Variants in PDIA5 observed in about 807,000 individuals in gnomAD.
The protein encoded by PDIA5 is protein disulfide-isomerase A5.
PDIA5 carries 58 observed loss-of-function variants against 77.6 expected under a neutral mutation model. That is an observed-to-expected ratio of 0.75 (90% CI 0.61 to 0.93). The LOEUF (loss-of-function observed/expected upper bound fraction) is 0.93. Among genes scored for constraint, PDIA5 ranks in the 40% least tolerant of loss-of-function variants. The pLI, the probability that PDIA5 is intolerant of heterozygous loss-of-function variation, is 0.00. For synonymous variants in PDIA5, 250 were observed against 252.1 expected (o/e 0.99, Z 0.08); for missense variants, 630 against 647.7 (o/e 0.97, Z 0.30).
intron 11 of PDIA5, chr3:123,145,306 T>C (rs1166253401): frequency 1.8e-6 from 1 of 556,720 alleles, no homozygotes. Flanking sequence ...GTATTATTTA[T>C]GCAGTTGTTT....
chr3:123,125,563 C>T (rs191976270), intron 10 of PDIA5, among the ~76,000 whole-genome samples: 37 of 152,214 alleles, frequency 2.4e-4, no homozygotes, highest in African/African-American at 8.9e-4. Context: ...CTTAGGAACA[C>T]AGTGTGCAAA....
intron 15 of PDIA5, among the ~76,000 whole-genome samples, chr3:123,156,342 A>G (rs2107993899): frequency 6.6e-6 from 1 of 152,130 alleles, no homozygotes; most frequent in Middle Eastern, 3.4e-3. Flanking sequence ...GCTTTGAGGC[A>G]CCCCTCACCC....
intron 6 of PDIA5, among the ~76,000 whole-genome samples, chr3:123,109,768 A>G (rs1007694197): frequency 6.6e-6 from 1 of 152,152 alleles, no homozygotes; most frequent in Admixed American, 6.5e-5. Flanking sequence ...CAGGCTTTCA[A>G]GATAATGTGT....
In PDIA5 at chr3:123,142,658, G is replaced by A. The variant is rs117381180; in HGVS notation, c.911-2864G>A. Among the ~76,000 whole-genome samples, 90 of 152,344 alleles carry A rather than the reference G, an allele frequency of 5.9e-4. No individual in the cohort carries two copies. The East Asian group carries it at 0.014, about 23-fold the overall frequency. On this transcript the variant is annotated intron_variant, in intron 11 of 16. Transcript: ENST00000316218. ...GCAGGGGACATTAAGAATATCTGCT[G>A]TGGAGAACAAGGCCAGGAACAGCCA...
chr3:123,098,215 G>A (rs543767227), intron 3 of PDIA5, among the ~76,000 whole-genome samples: 16 of 152,278 alleles, frequency 1.1e-4, no homozygotes, highest in African/African-American at 3.4e-4. Flanking sequence ...TGCAGCTCAG[G>A]AAACTAAGGG....
chr3:123,122,391 C>T (rs1255775896), intron 8 of PDIA5, among the ~76,000 whole-genome samples: 4 of 151,980 alleles, frequency 2.6e-5, no homozygotes, highest in Non-Finnish European at 5.9e-5. Context: ...CAAGTAAATT[C>T]GAATTCAAAT....
chr3:123,108,770 C>T (rs1375318913), intron 6 of PDIA5, among the ~76,000 whole-genome samples: 1 of 151,942 alleles, frequency 6.6e-6, no homozygotes, highest in Non-Finnish European at 1.5e-5. Context: ...CCTGTAATCC[C>T]AGCTACTCGG....
At chr3:123,134,538 AT>A (rs1935446249) in intron 11 of PDIA5, among the ~76,000 whole-genome samples, 1 of 152,074 alleles carries the variant, frequency 6.6e-6, no homozygotes, top group Non-Finnish European at 1.5e-5. Context: ...TGGAGACACC[AT>A]GGGCCCTGCT....
At chr3:123,132,846 T>G (rs1410322688) in intron 11 of PDIA5, among the ~76,000 whole-genome samples, 1 of 152,202 alleles carries the variant, frequency 6.6e-6, no homozygotes, top group Non-Finnish European at 1.5e-5. Context: ...TCCCCATGTG[T>G]CTGTCCTTCC....
In PDIA5 at chr3:123,124,400, G is replaced by A. The variant is rs373756686; in HGVS notation, c.773+57G>A. On this transcript the variant is annotated intron_variant, in intron 10 of 16. Coordinates refer to ENST00000316218, the MANE Select transcript of PDIA5 (RefSeq NM_006810.4). ...GGACCCAGAGGGCGGGGCATCTGCC[G>A]GGCCTGAGGGTCGCAGGGCTCTGGC... The A allele has an allele frequency of 4.1e-5, 52 of 1,254,954 alleles. 1 individual carries two copies. In the East Asian group the frequency reaches 4.8e-4, roughly 12 times the overall value. The allele number at this position is 1,254,954 out of a possible 1,614,324, so 77.7% of individuals were successfully genotyped here.
intron 14 of PDIA5, among the ~76,000 whole-genome samples, chr3:123,153,574 T>C (rs1935959108): frequency 6.6e-6 from 1 of 152,220 alleles, no homozygotes; most frequent in Non-Finnish European, 1.5e-5. Flanking sequence ...TAAGCTGTGC[T>C]TGTCTCATTT....
At chr3:123,102,386 G>C (rs370673179) in intron 3 of PDIA5, 25 bp from the exon 4 acceptor site, 2 of 1,587,022 alleles carry the variant, frequency 1.3e-6, no homozygotes. Context: ...GGTAATAAAT[G>C]GTTCCCAACA....
intron 1 of PDIA5, among the ~76,000 whole-genome samples, chr3:123,084,423 C>G (rs529422087): frequency 6.6e-6 from 1 of 151,998 alleles, no homozygotes; most frequent in Non-Finnish European, 1.5e-5. Context: ...TTAGAAGTGT[C>G]CCCTCCCTGG....
At chr3:123,087,546 C>T (rs1051648434) in intron 1 of PDIA5, among the ~76,000 whole-genome samples, 2 of 151,364 alleles carry the variant, frequency 1.3e-5, no homozygotes, top group African/African-American at 4.9e-5. Flanking sequence ...TTTCACGATT[C>T]TCTGAGTATT....
chr3:123,150,982 C>G (rs984396319), intron 14 of PDIA5, among the ~76,000 whole-genome samples: 2 of 152,228 alleles, frequency 1.3e-5, no homozygotes, highest in African/African-American at 4.8e-5. Flanking sequence ...TGCTGCCCTT[C>G]TCTCTCTCCC....
At chr3:123,084,374 C>T (rs569025104) in intron 1 of PDIA5, among the ~76,000 whole-genome samples, 12 of 152,208 alleles carry the variant, frequency 7.9e-5, no homozygotes, top group African/African-American at 2.6e-4. Context: ...CCTGTCCCAG[C>T]CTCCCCACTC....
intron 11 of PDIA5, among the ~76,000 whole-genome samples, chr3:123,142,715 G>A (rs115744720): frequency 6.6e-6 from 1 of 152,118 alleles, no homozygotes; most frequent in African/African-American, 2.4e-5. Context: ...GGCAGCCTCT[G>A]GGGGGGCCGA....
chr3:123,077,682 C>A (rs1297026627), intron 1 of PDIA5, among the ~76,000 whole-genome samples: 1 of 152,008 alleles, frequency 6.6e-6, no homozygotes, highest in Non-Finnish European at 1.5e-5. Context: ...TAGTGAGATC[C>A]CCAAGCTTGA....
chr3:123,099,583 G>A (rs1272915587), intron 3 of PDIA5, among the ~76,000 whole-genome samples: 1 of 152,210 alleles, frequency 6.6e-6, no homozygotes, highest in Non-Finnish European at 1.5e-5. Context: ...CGCTTGCTCA[G>A]GTGGAGTGAG....
Sources: allele counts gnomAD v4.1 joint callset (sites outside exome capture counted in the v4.1 genomes callset), GRCh38; gene constraint gnomAD v4.1.1; transcripts MANE v1.5; gene names NCBI Gene and HGNC (gene_info 2026-07-23, HGNC 2026-07-21).